RBKS: variants seen among roughly 807,000 people sequenced by gnomAD.
RBKS encodes the protein ribokinase.
RBKS carries 33 observed loss-of-function variants against 33.9 expected under a neutral mutation model. The ratio of observed to expected loss-of-function variants is 0.97; its 90% CI spans 0.74 to 1.30. The LOEUF is 1.30. RBKS is among the 50% of genes most tolerant of loss of function. RBKS has a pLI of 0.00. For missense variants in RBKS, 361 were observed against 392.6 expected (o/e 0.92, Z 0.68); for synonymous variants, 125 against 143.0 (o/e 0.87, Z 0.90).
At chr2:27,823,094 G>GC (rs1678242062) in intron 7 of RBKS, among the ~76,000 whole-genome samples, 1 of 152,142 alleles carries the variant, frequency 6.6e-6, no homozygotes, top group Non-Finnish European at 1.5e-5. Flanking sequence ...ATGCAAGCAG[G>GC]CAAACCCCCT....
chr2:27,861,520 G>C (rs903474872), intron 1 of RBKS: 2 of 471,030 alleles, frequency 4.2e-6, no homozygotes, highest in African/African-American at 4.0e-5. Flanking sequence ...TTCAACAAAT[G>C]TTCATCACTG....
At chr2:27,785,832 G>A (rs558465339) in intron 7 of RBKS, among the ~76,000 whole-genome samples, 1 of 152,134 alleles carries the variant, frequency 6.6e-6, no homozygotes, top group African/African-American at 2.4e-5. Context: ...CTGCTCCTGG[G>A]AATCTCCTAC....
intron 7 of RBKS, among the ~76,000 whole-genome samples, chr2:27,803,858 C>T (rs1219024792): frequency 6.6e-6 from 1 of 151,648 alleles, no homozygotes; most frequent in Non-Finnish European, 1.5e-5. Flanking sequence ...ACCAGCCTGA[C>T]TGACATGGCA....
chr2:27,796,217 CTGG>C (rs1373552421), intron 7 of RBKS, among the ~76,000 whole-genome samples: 6 of 143,150 alleles, frequency 4.2e-5, no homozygotes, highest in African/African-American at 1.6e-4. Context: ...TTTTTATACA[CTGG>C]TATGATTTTT....
chr2:27,801,961 A>ATATATATAT (rs1386207212), intron 7 of RBKS, among the ~76,000 whole-genome samples: 36 of 63,816 alleles, frequency 5.6e-4, no homozygotes, highest in African/African-American at 1.6e-3. Flanking sequence ...AAAAAAAAAA[A>ATATATATAT]AAATATATAT....
intron 1 of RBKS, among the ~76,000 whole-genome samples, chr2:27,887,031 T>C (rs932888226): frequency 1.2e-4 from 18 of 152,206 alleles, no homozygotes; most frequent in African/African-American, 2.4e-4. Flanking sequence ...TCCCCAGAAT[T>C]TGTGAATATG....
chr2:27,815,021 A>G (rs894421199), intron 7 of RBKS, among the ~76,000 whole-genome samples: 3 of 152,322 alleles, frequency 2.0e-5, no homozygotes, highest in African/African-American at 7.2e-5. Context: ...CAAAGTATAC[A>G]CACCATTAAC....
chr2:27,815,948 A>G (rs1189187916), intron 7 of RBKS, among the ~76,000 whole-genome samples: 1 of 152,138 alleles, frequency 6.6e-6, no homozygotes, highest in East Asian at 1.9e-4. Context: ...TTCTACTACC[A>G]TATTCCTCTT....
At chr2:27,876,244 C>CTGAT (rs1664313272) in intron 1 of RBKS, among the ~76,000 whole-genome samples, 1 of 152,124 alleles carries the variant, frequency 6.6e-6, no homozygotes, top group South Asian at 2.1e-4. Flanking sequence ...CAAATGTCCA[C>CTGAT]TGATAGATGA....
At chr2:27,786,654 T>C (rs1020923633) in intron 7 of RBKS, among the ~76,000 whole-genome samples, 1 of 151,888 alleles carries the variant, frequency 6.6e-6, no homozygotes, top group African/African-American at 2.4e-5. Context: ...TGGTGGTGGG[T>C]GCCTGTAATC....
chr2:27,861,416 A>C (rs898279016), intron 1 of RBKS: 2 of 461,706 alleles, frequency 4.3e-6, no homozygotes, highest in Admixed American at 2.4e-5. Context: ...ATTTTACCAG[A>C]TCTTGCCCAC....
intron 1 of RBKS, among the ~76,000 whole-genome samples, chr2:27,863,366 A>G (rs573518573): frequency 6.6e-6 from 1 of 152,348 alleles, no homozygotes; most frequent in South Asian, 2.1e-4. Context: ...TACTTTTGAC[A>G]GCTTTTCCCT....
chr2:27,809,877 G>C, intron 7 of RBKS: 1 of 1,254,646 alleles, frequency 8.0e-7, no homozygotes, highest in Non-Finnish European at 1.0e-6. Context: ...ACAAAATTTT[G>C]AGTAATTAGT....
intron 1 of RBKS, among the ~76,000 whole-genome samples, chr2:27,883,428 T>C (rs1664460616): frequency 6.6e-6 from 1 of 152,218 alleles, no homozygotes. Context: ...CTCGATCTCC[T>C]GACCTCGTGA....
chr2:27,859,746 T>A (rs1416339960), intron 1 of RBKS, among the ~76,000 whole-genome samples: 1 of 151,972 alleles, frequency 6.6e-6, no homozygotes, highest in African/African-American at 2.4e-5. Context: ...GGTAAAGAGG[T>A]AAGTTCACAA....
chr2:27,861,667 G>C (rs1037176159), intron 1 of RBKS: 61 of 431,758 alleles, frequency 1.4e-4, no homozygotes, highest in Admixed American at 1.5e-4. Flanking sequence ...TCTTTTTGGG[G>C]GGGGGGTGGA....
intron 7 of RBKS, among the ~76,000 whole-genome samples, chr2:27,821,469 G>T (rs1233378161): frequency 6.6e-6 from 1 of 152,118 alleles, no homozygotes; most frequent in Admixed American, 6.6e-5. Flanking sequence ...ATTCAAAAGT[G>T]TATGACTATG....
In RBKS at chr2:27,851,506, G is replaced by C. The variant is rs186864346; in HGVS notation, c.223-3409C>G. On this transcript the variant is annotated intron_variant, in intron 2 of 7. Transcript: ENST00000302188. ...TGTTCATTTTCCTTGGACCCATCTT[G>C]TAGTCATGTTCCATTCTTTTTTTTT... 7.3e-5 allele frequency among the ~76,000 whole-genome samples: 11 copies of C among 151,516 alleles called. No homozygotes were observed. In the South Asian group the frequency reaches 1.3e-3, roughly 17 times the overall value.
intron 7 of RBKS, among the ~76,000 whole-genome samples, chr2:27,788,748 T>C (rs1234031632): frequency 6.6e-6 from 1 of 152,184 alleles, no homozygotes; most frequent in African/African-American, 2.4e-5. Context: ...CTCAAAGTTA[T>C]CAAAACATTT....
Sources: allele counts gnomAD v4.1 joint callset (sites outside exome capture counted in the v4.1 genomes callset), GRCh38; gene constraint gnomAD v4.1.1; transcripts MANE v1.5; gene names NCBI Gene and HGNC (gene_info 2026-07-23, HGNC 2026-07-21).